Variants in PRKCH observed in about 807,000 individuals in gnomAD.
PRKCH encodes protein kinase C eta, also known as protein kinase C eta type.
Under a neutral mutation model 82.5 loss-of-function variants are expected in PRKCH, and 28 were observed. That is an observed-to-expected ratio of 0.34 (90% CI 0.25 to 0.47). PRKCH has a LOEUF of 0.47. PRKCH is among the 20% of genes least tolerant of loss of function. The pLI is 1.00. For missense variants in PRKCH, 705 were observed against 881.8 expected (o/e 0.80, Z 2.54); for synonymous variants, 322 against 327.4 (o/e 0.98, Z 0.18).
At chr14:61,394,938 A>G (rs1185650152) in intron 2 of PRKCH, among the ~76,000 whole-genome samples, 2 of 152,206 alleles carry the variant, frequency 1.3e-5, no homozygotes, top group Non-Finnish European at 2.9e-5. Flanking sequence ...GATAAGGAAA[A>G]CAGTTAATTC....
rs1250677335 is a variant in PRKCH, at chr14:61,412,068, C to G, written c.427+20780C>G. Among the ~76,000 whole-genome samples the G allele has an allele frequency of 2.0e-5, 3 of 152,164 alleles. No homozygotes were observed. In the East Asian group the frequency reaches 5.8e-4, roughly 29 times the overall value. On this transcript the variant is annotated intron_variant, in intron 2 of 13. Coordinates refer to ENST00000332981, the MANE Select transcript of PRKCH (RefSeq NM_006255.5). ...GCCGAACTATTTCTGAGTAACTTAG[C>G]TGTGTCCCAGATCAAAGCTGATTTT...
chr14:61,276,362 CT>C (rs921938653), intron 1 of PRKCH, among the ~76,000 whole-genome samples: 3 of 138,480 alleles, frequency 2.2e-5, no homozygotes, highest in African/African-American at 8.0e-5. Flanking sequence ...TTTTTTTTTT[CT>C]TTTTGTTTTT....
chr14:61,272,340 C>CTTTTTTTT (rs1335053986), intron 1 of PRKCH, among the ~76,000 whole-genome samples: 1 of 97,838 alleles, frequency 1.0e-5, no homozygotes, highest in African/African-American at 4.0e-5. Context: ...TTTCTTTTTT[C>CTTTTTTTT]TTTCTTTTTT....
chr14:61,298,863 C>G (rs2045426362), intron 1 of PRKCH: 1 of 152,066 alleles, frequency 6.6e-6, no homozygotes, highest in Middle Eastern at 3.2e-3. Flanking sequence ...AAAGATAGTG[C>G]AAGGCAAGTT....
chr14:61,484,433 G>C (rs957088748), intron 9 of PRKCH, among the ~76,000 whole-genome samples: 5 of 151,884 alleles, frequency 3.3e-5, no homozygotes, highest in African/African-American at 1.2e-4. Context: ...AATGTCACAG[G>C]AAGGAGTGAG....
chr14:61,280,098 CTCG>C lies in PRKCH; in HGVS notation c.-19+92442_-19+92444del, dbSNP rs750885430. The C allele has an allele frequency of 3.1e-6, 5 of 1,607,624 alleles. No homozygotes were observed. The highest frequency in any genetic ancestry group is 3.4e-5 in the Admixed American group (2 of 59,274). The stretch of plus-strand genomic sequence containing the variant: ...GATCCCTGGAAAGCCGGAATCACTC[CTCG>C]TCGTCGTCGTCCTGGTCCTGGTAGC... On this transcript the variant is annotated intron_variant, in intron 1 of 3. Transcript: ENST00000555185. This position sits in a 1 kb window ranked among gnomAD's most constrained non-coding sequence, Gnocchi z 5.0.
intron 10 of PRKCH, among the ~76,000 whole-genome samples, chr14:61,486,793 C>T (rs1886245917): frequency 1.3e-5 from 2 of 151,988 alleles, no homozygotes. Context: ...GGATTACAGG[C>T]ATGAGTCACC....
At chr14:61,495,318 G>A (rs1886621001) in intron 10 of PRKCH, among the ~76,000 whole-genome samples, 1 of 152,194 alleles carries the variant, frequency 6.6e-6, no homozygotes, top group South Asian at 2.1e-4. Context: ...TTTCATCAGT[G>A]AAGGCTGTGA....
At chr14:61,538,313 A>G (rs2043139118) in intron 12 of PRKCH, among the ~76,000 whole-genome samples, 1 of 152,226 alleles carries the variant, frequency 6.6e-6, no homozygotes, top group South Asian at 2.1e-4. Flanking sequence ...GCCTCTTACC[A>G]AAACCCCTAG....
upstream of PRKCH, among the ~76,000 whole-genome samples, chr14:61,321,412 C>A (rs915095348): frequency 2.0e-5 from 3 of 152,212 alleles, no homozygotes; most frequent in Non-Finnish European, 2.9e-5. This position sits in a 1 kb window ranked among gnomAD's most constrained non-coding sequence, Gnocchi z 4.1. Context: ...CCCTAACCCG[C>A]AGCGCACGGC....
chr14:61,221,485 C>G (rs2044655735), intron 1 of PRKCH, among the ~76,000 whole-genome samples: 1 of 151,942 alleles, frequency 6.6e-6, no homozygotes, highest in African/African-American at 2.4e-5. Flanking sequence ...CATGTGCTTC[C>G]CTCCATGTGC....
intron 3 of PRKCH, among the ~76,000 whole-genome samples, chr14:61,444,184 C>T (rs900355187): frequency 6.6e-6 from 1 of 151,664 alleles, no homozygotes; most frequent in African/African-American, 2.4e-5. Context: ...CAAGAAACAA[C>T]GATTTTGAGA....
At chr14:61,352,369 G>A (rs1307784703) in intron 1 of PRKCH, among the ~76,000 whole-genome samples, 1 of 152,066 alleles carries the variant, frequency 6.6e-6, no homozygotes, top group Non-Finnish European at 1.5e-5. Context: ...GCAGAAAGAT[G>A]TCCCAGATAT....
chr14:61,516,798 T>C (rs1352347321), intron 10 of PRKCH, among the ~76,000 whole-genome samples: 1 of 152,200 alleles, frequency 6.6e-6, no homozygotes, highest in Non-Finnish European at 1.5e-5. Context: ...ATTCTAGAGA[T>C]AATATGAGAA....
upstream of PRKCH, among the ~76,000 whole-genome samples, chr14:61,320,518 G>A (rs970832129): frequency 3.9e-5 from 6 of 152,330 alleles, no homozygotes; most frequent in African/African-American, 4.8e-5. Flanking sequence ...TGAATCGCTC[G>A]AACCTGGGAG....
chr14:61,515,616 G>A (rs370989321), intron 10 of PRKCH, among the ~76,000 whole-genome samples: 9 of 152,148 alleles, frequency 5.9e-5, no homozygotes, highest in South Asian at 2.1e-4. Context: ...CATTTTGCTC[G>A]TTGCCCAAGG....
chr14:61,461,773 C>T (rs1340417927), intron 9 of PRKCH, among the ~76,000 whole-genome samples: 1 of 152,100 alleles, frequency 6.6e-6, no homozygotes, highest in Non-Finnish European at 1.5e-5. Flanking sequence ...GATTGGGAAC[C>T]CAATCAATAT....
chr14:61,374,796 G>C (rs2046409979), intron 1 of PRKCH, among the ~76,000 whole-genome samples: 1 of 151,940 alleles, frequency 6.6e-6, no homozygotes, highest in African/African-American at 2.4e-5. Flanking sequence ...TGATGAGAAG[G>C]GGTACTGTGA....
At chr14:61,321,524 A>G (rs920398327), upstream of PRKCH, among the ~76,000 whole-genome samples, 21 of 152,176 alleles carry the variant, frequency 1.4e-4, no homozygotes, top group African/African-American at 3.9e-4. This position sits in a 1 kb window ranked among gnomAD's most constrained non-coding sequence, Gnocchi z 4.1. Context: ...CGGGCCGCGG[A>G]CCGCGGGCCA....
Sources: allele counts gnomAD v4.1 joint callset (sites outside exome capture counted in the v4.1 genomes callset), GRCh38; gene constraint gnomAD v4.1.1; non-coding constraint Gnocchi (gnomAD v3.1); transcripts MANE v1.5; gene names NCBI Gene and HGNC (gene_info 2026-07-23, HGNC 2026-07-21).